ARHGAP5: variants seen among roughly 807,000 people sequenced by gnomAD.
The protein encoded by ARHGAP5 is Rho GTPase activating protein 5, also known as rho GTPase-activating protein 5.
ARHGAP5 carries 23 observed loss-of-function variants against 116.6 expected under a neutral mutation model. That is an observed-to-expected ratio of 0.20 (90% CI 0.14 to 0.28). ARHGAP5 has a LOEUF of 0.28. ARHGAP5 is among the 10% of genes least tolerant of loss of function. ARHGAP5 has a pLI of 1.00. For synonymous variants in ARHGAP5, 574 were observed against 602.0 expected (o/e 0.95, Z 0.68); for missense variants, 1,405 against 1,774.8 (o/e 0.79, Z 3.74).
chr14:32,117,112 G>A (rs756368158), intron 2 of ARHGAP5, 28 bp from the exon 3 acceptor site: 1 of 1,540,298 alleles, frequency 6.5e-7, no homozygotes, highest in Non-Finnish European at 8.9e-7. Flanking sequence ...AATTTTAATA[G>A]TGTTAACTTA....
At chr14:32,133,676 T>A (rs903506934) in intron 3 of ARHGAP5, among the ~76,000 whole-genome samples, 1 of 152,208 alleles carries the variant, frequency 6.6e-6, no homozygotes. Context: ...TCAAAGGGAA[T>A]GCTTCCAGTT....
chr14:32,094,826 C>A (rs535835399), intron 2 of ARHGAP5, among the ~76,000 whole-genome samples: 1 of 152,236 alleles, frequency 6.6e-6, no homozygotes, highest in African/African-American at 2.4e-5. Flanking sequence ...CAGGAAGCTT[C>A]TTTGCAGATG....
chr14:32,091,574 A>G lies in ARHGAP5; in HGVS notation c.905A>G (p.Asp302Gly). 1 of 1,612,422 alleles carries G rather than the reference A, an allele frequency of 6.2e-7. No individual in the cohort carries two copies. Among genetic ancestry groups the G allele is most frequent in the South Asian group, 1.1e-5 (1 of 90,644 alleles). The change falls in exon 2 of 7, where the codon GAT becomes GGT. Residue 302 changes from aspartate to glycine, a missense_variant. By Grantham distance (94) the Asp-to-Gly change is moderately conservative (BLOSUM62 -1). Coordinates refer to ENST00000345122, the MANE Select transcript of ARHGAP5 (RefSeq NM_001030055.2). ...AGTAATAAATTAAAAAATCATCCTG[A>G]TTATGAAGAATACATCAACTTAGAG... ...TVSNKLKNHP[D>G]YEEYINLEGT...
chr14:32,107,183 AT>A (rs1218658654), intron 2 of ARHGAP5, among the ~76,000 whole-genome samples: 2 of 152,202 alleles, frequency 1.3e-5, no homozygotes, highest in African/African-American at 4.8e-5. Context: ...TAGTATAGTA[AT>A]TTCTTCAGTT....
At chr14:32,080,642 A>G (rs1185857751) in intron 1 of ARHGAP5, among the ~76,000 whole-genome samples, 3 of 152,212 alleles carry the variant, frequency 2.0e-5, no homozygotes, top group Non-Finnish European at 4.4e-5. Flanking sequence ...GTAAATAGTT[A>G]AAAGTATTAA....
At chr14:32,108,127 G>A (rs1594359724) in intron 2 of ARHGAP5, among the ~76,000 whole-genome samples, 1 of 152,138 alleles carries the variant, frequency 6.6e-6, no homozygotes, top group Non-Finnish European at 1.5e-5. Flanking sequence ...CGTGACAAGC[G>A]GTTTAAGGGA....
At position 32,093,595 on chromosome 14, in the gene ARHGAP5, A is replaced by G. The variant is rs1201539811; in HGVS notation, c.2926A>G (p.Asn976Asp). 6 of 1,613,834 alleles carry G rather than the reference A, an allele frequency of 3.7e-6. No homozygotes were observed. Among genetic ancestry groups the G allele is most frequent in the Non-Finnish European group, 5.1e-6 (6 of 1,179,900 alleles). Residue 976 changes from asparagine (N) to aspartate (D), a missense_variant, in exon 2 of 7, where the codon AAT becomes GAT. By Grantham distance (23) the Asn-to-Asp change is conservative. Transcript: ENST00000345122. ...LPSPRDCFPY[N>D]NYPDSDDDTE... ...ATCTCCCAGAGACTGTTTTCCCTAT[A>G]ATAACTACCCTGATTCAGATGATGA...
chr14:32,093,391 G>T lies in ARHGAP5; in HGVS notation c.2722G>T (p.Ala908Ser). The change falls in exon 2 of 7, where the codon GCA becomes TCA. Residue 908 changes from alanine (A) to serine (S), a missense_variant. Transcript: ENST00000345122. ...KELMTEGEHIATEITAKFTAL... is the reference protein window; with the variant it reads ...KELMTEGEHISTEITAKFTAL... ...GTTAATGACTGAAGGAGAACACATT[G>T]CAACTGAGATCACTGCTAAATTTAC... 1.2e-6 allele frequency: 2 copies of T among 1,613,912 alleles called. No individual in the cohort carries two copies. The highest frequency in any genetic ancestry group is 1.7e-6 in the Non-Finnish European group (2 of 1,179,912).
chr14:32,083,188 T>C (rs940397095), intron 1 of ARHGAP5, among the ~76,000 whole-genome samples: 1 of 152,278 alleles, frequency 6.6e-6, no homozygotes, highest in South Asian at 2.1e-4. Flanking sequence ...GTCTGCAAAC[T>C]ATGGCCTCTG....
Position 32,158,513 on chromosome 14 carries a change from T to A in ARHGAP5, c.*3565T>A, listed in dbSNP as rs780267071. 1 of 152,006 alleles carries A rather than the reference T, an allele frequency of 6.6e-6. No individual in the cohort carries two copies. Among genetic ancestry groups the A allele is most frequent in the Non-Finnish European group, 1.5e-5 (1 of 67,880 alleles). The allele number at this position is 152,006 out of a possible 1,614,324, so 9.4% of individuals were successfully genotyped here. On this transcript the variant is annotated 3_prime_UTR_variant, in exon 7 of 7. Transcript: ENST00000345122. ...CGAATATATTTGTGTCTTCATGGTT[T>A]GTGACTATTAGGCCAAATTTTGTGG...
At chr14:32,110,209 T>TCATTA (rs1879218919) in intron 2 of ARHGAP5, among the ~76,000 whole-genome samples, 2 of 113,928 alleles carry the variant, frequency 1.8e-5, no homozygotes, top group African/African-American at 6.2e-5. Context: ...GCTGGGGAGA[T>TCATTA]AAAAAAAAAA....
chr14:32,114,963 AT>A (rs1362282708), intron 2 of ARHGAP5, among the ~76,000 whole-genome samples: 1 of 152,240 alleles, frequency 6.6e-6, no homozygotes, highest in African/African-American at 2.4e-5. Context: ...TACGACAAAT[AT>A]GACAAATATT....
chr14:32,102,244 C>T (rs1878824987), intron 2 of ARHGAP5, among the ~76,000 whole-genome samples: 1 of 152,192 alleles, frequency 6.6e-6, no homozygotes, highest in South Asian at 2.1e-4. Flanking sequence ...GAAGTGTGTT[C>T]AAAAGAATGA....
chr14:32,083,760 C>T (rs2041801750), intron 1 of ARHGAP5, among the ~76,000 whole-genome samples: 1 of 152,048 alleles, frequency 6.6e-6, no homozygotes, highest in Non-Finnish European at 1.5e-5. Context: ...AATGACGGTT[C>T]CTCTACTATA....
At position 32,091,705 on chromosome 14, in the gene ARHGAP5, T is replaced by G; in HGVS notation, c.1036T>G (p.Phe346Val). The stretch of plus-strand genomic sequence containing the variant: ...GTATATAAATACTTTACCAAGAGCT[T>G]TTAACACTCTTTTGCCAAATCTAGA... ...EEYINTLPRA[F>V]NTLLPNLEEI... The change falls in exon 2 of 7, where the codon TTT becomes GTT. Residue 346 changes from phenylalanine to valine, a missense_variant. Transcript: ENST00000345122. 1 of 1,611,010 alleles carries G rather than the reference T, an allele frequency of 6.2e-7. No homozygotes were observed. The highest frequency in any genetic ancestry group is 1.1e-5 in the South Asian group (1 of 90,368).
intron 2 of ARHGAP5, among the ~76,000 whole-genome samples, chr14:32,104,532 G>A (rs1314369927): frequency 1.3e-5 from 2 of 152,146 alleles, no homozygotes; most frequent in African/African-American, 2.4e-5. Flanking sequence ...CAGCACTTAC[G>A]GCTTTTATAG....
intron 2 of ARHGAP5, among the ~76,000 whole-genome samples, chr14:32,113,374 CATAGGCTCCCCTCCCCTTGTT>C (rs2139061244): frequency 6.6e-6 from 1 of 152,208 alleles, no homozygotes; most frequent in East Asian, 1.9e-4. Context: ...TTAGAAGTCA[CATAGGCTCCCCTCCCCTTGTT>C]ATATGTATGG....
In ARHGAP5 at chr14:32,157,904, T is replaced by G. The variant is rs759507811; in HGVS notation, c.*2956T>G. On this transcript the variant is annotated 3_prime_UTR_variant, in exon 7 of 7. Coordinates refer to ENST00000345122, the MANE Select transcript of ARHGAP5 (RefSeq NM_001030055.2). The stretch of plus-strand genomic sequence containing the variant: ...AAAAGGGAACAATTGGAATGAGAAT[T>G]TAGGCCTTAGCTTCCATGGTGATTT... 9 of 151,490 alleles carry G rather than the reference T, an allele frequency of 5.9e-5. No homozygotes were observed. The highest frequency in any genetic ancestry group is 1.3e-4 in the Non-Finnish European group (9 of 67,608). The allele number at this position is 151,490 out of a possible 1,614,324, so 9.4% of individuals were successfully genotyped here. A position where few individuals can be genotyped will look rare whatever the true frequency, so the allele number is the denominator to read the frequency against.
rs151203833 is a variant in ARHGAP5 at position 32,128,459 on chromosome 14, G to A, written c.3865+11172G>A. On this transcript the variant is annotated intron_variant, in intron 3 of 6. Coordinates refer to ENST00000345122, the MANE Select transcript of ARHGAP5 (RefSeq NM_001030055.2). ...GCCCGCCTTGTCACCATGAGACCCT[G>A]AGAAAGTCCCTTCACCTCGCTGGGC... Among the ~76,000 whole-genome samples the A allele has an allele frequency of 4.0e-4, 61 of 152,380 alleles. No individual in the cohort carries two copies. The East Asian group carries it at 0.011, about 28-fold the overall frequency.
Sources: allele counts gnomAD v4.1 joint callset (sites outside exome capture counted in the v4.1 genomes callset), GRCh38; gene constraint gnomAD v4.1.1; transcripts MANE v1.5; gene names NCBI Gene and HGNC (gene_info 2026-07-23, HGNC 2026-07-21).